CPNE3: variants seen among roughly 807,000 people sequenced by gnomAD.
The protein encoded by CPNE3 is copine 3.
A neutral mutation model predicts 63.9 loss-of-function variants in CPNE3; 68 were observed. The observed-to-expected ratio is 1.06, with a 90% CI of 0.87 to 1.30. The LOEUF (loss-of-function observed/expected upper bound fraction) is 1.30. Among genes scored for constraint, CPNE3 ranks in the 50% most tolerant of loss-of-function variants. The pLI is 0.00. For synonymous variants in CPNE3, 219 were observed against 197.5 expected (o/e 1.11, Z -0.91); for missense variants, 665 against 578.1 (o/e 1.15, Z -1.54).
At chr8:86,518,879 C>T (rs1015506323) in intron 2 of CPNE3, among the ~76,000 whole-genome samples, 4 of 152,006 alleles carry the variant, frequency 2.6e-5, no homozygotes, top group Non-Finnish European at 4.4e-5. Flanking sequence ...CTCAAGCAAT[C>T]CCACCTCAGC....
chr8:86,516,400 TAA>T (rs377606468), intron 2 of CPNE3, among the ~76,000 whole-genome samples: 8 of 152,326 alleles, frequency 5.3e-5, no homozygotes, highest in African/African-American at 1.7e-4. Context: ...CATTTTCATA[TAA>T]GTTTATGGCA....
rs1046383794 is a variant in CPNE3 at position 86,561,206 on chromosome 8, G to A, written c.*2796G>A. 1.3e-5 allele frequency: 2 copies of A among 151,972 alleles called. No individual in the cohort carries two copies. Among genetic ancestry groups the A allele is most frequent in the African/African-American group, 4.8e-5 (2 of 41,362 alleles). 9.4% of individuals were successfully genotyped at this position (151,972 alleles called of 1,614,324 possible). A position where few individuals can be genotyped will look rare whatever the true frequency, so the allele number is the denominator to read the frequency against. On this transcript the variant is annotated 3_prime_UTR_variant, in exon 17 of 17. Coordinates refer to ENST00000517490, the MANE Select transcript of CPNE3 (RefSeq NM_003909.5). ...CTTCCTGGAAAGCTGTCTTCACTAA[G>A]TATCCCCTAGTCTCTATATATGTGG...
Position 86,558,580 on chromosome 8 carries a change from G to T in CPNE3, c.*170G>T. On this transcript the variant is annotated 3_prime_UTR_variant, in exon 17 of 17. Transcript: ENST00000517490. Reference sequence around the variant, plus strand: ...CTTTCTAGGTTATTTTGGGGGGACAGTGCCAAGTCCATCTTTGCCCAGTCA... The same window carrying T: ...CTTTCTAGGTTATTTTGGGGGGACATTGCCAAGTCCATCTTTGCCCAGTCA... 3.5e-6 allele frequency: 2 copies of T among 570,628 alleles called. No individual in the cohort carries two copies. The highest frequency in any genetic ancestry group is 6.2e-6 in the Non-Finnish European group (2 of 320,378). The allele number at this position is 570,628 out of a possible 1,614,324, so 35.3% of individuals were successfully genotyped here.
intron 6 of CPNE3, among the ~76,000 whole-genome samples, chr8:86,536,003 T>G (rs1447686634): frequency 6.6e-6 from 1 of 152,098 alleles, no homozygotes; most frequent in Non-Finnish European, 1.5e-5. Flanking sequence ...TAAAAAACCA[T>G]TTTGATTTAA....
intron 14 of CPNE3, among the ~76,000 whole-genome samples, chr8:86,553,016 A>G (rs1231887320): frequency 8.5e-6 from 1 of 117,476 alleles, no homozygotes; most frequent in Non-Finnish European, 1.7e-5. Flanking sequence ...GGCGCCTGCC[A>G]CCACGCTCGG....
chr8:86,537,226 C>T lies in CPNE3; in HGVS notation c.460-337C>T, dbSNP rs79989325. 4.2e-3 allele frequency among the ~76,000 whole-genome samples: 634 copies of T among 152,216 alleles called. 4 individuals are homozygous for T. The highest frequency in any genetic ancestry group is 0.015 in the African/African-American group (604 of 41,540). ...TTGTGATATCATTTATATAAAACTACTCAGTGATATGTGAATGAAAATGGT... is the reference window on the plus strand; with the variant it reads ...TTGTGATATCATTTATATAAAACTATTCAGTGATATGTGAATGAAAATGGT... On this transcript the variant is annotated intron_variant, in intron 6 of 16. Transcript: ENST00000517490.
chr8:86,555,043 C>A, intron 15 of CPNE3, 59 bp downstream of exon 15: 1 of 1,602,600 alleles, frequency 6.2e-7, no homozygotes, highest in South Asian at 1.1e-5. Context: ...CTCCTGGTGC[C>A]ATTTTTCTAT....
intron 6 of CPNE3, among the ~76,000 whole-genome samples, chr8:86,536,151 T>C (rs1333680339): frequency 6.6e-6 from 1 of 151,734 alleles, no homozygotes; most frequent in Admixed American, 6.6e-5. Context: ...AAAAGTTGTG[T>C]TTTATAATTT....
At chr8:86,523,536 A>T (rs1331781484) in intron 2 of CPNE3, among the ~76,000 whole-genome samples, 1 of 152,234 alleles carries the variant, frequency 6.6e-6, no homozygotes, top group Non-Finnish European at 1.5e-5. Context: ...CATGAGGGGT[A>T]TCAGCAGGGT....
At chr8:86,546,878 T>G (rs1247742897) in intron 10 of CPNE3, among the ~76,000 whole-genome samples, 197 bp downstream of exon 10, 1 of 152,064 alleles carries the variant, frequency 6.6e-6, no homozygotes, top group Non-Finnish European at 1.5e-5. Context: ...ACCTGGCTAA[T>G]TTTTGTATTT....
chr8:86,553,164 C>A (rs1344942371), intron 14 of CPNE3, among the ~76,000 whole-genome samples: 1 of 151,792 alleles, frequency 6.6e-6, no homozygotes, highest in African/African-American at 2.4e-5. Context: ...GTGCCCAGCC[C>A]TAAATGAATT....
At chr8:86,526,777 G>A (rs1385128729) in intron 2 of CPNE3, among the ~76,000 whole-genome samples, 2 of 152,184 alleles carry the variant, frequency 1.3e-5, no homozygotes, top group Non-Finnish European at 2.9e-5. Flanking sequence ...CTCCCAAAGT[G>A]CTGGGAGTAC....
chr8:86,547,676 G>T (rs561392940), intron 10 of CPNE3, 35 bp from the exon 11 acceptor site: 2 of 880,684 alleles, frequency 2.3e-6, no homozygotes, highest in East Asian at 2.5e-5. Flanking sequence ...TGTATAGTAG[G>T]AGAGTTGTAA....
At chr8:86,555,835 A>C (rs1821312945) in intron 15 of CPNE3, among the ~76,000 whole-genome samples, 1 of 152,220 alleles carries the variant, frequency 6.6e-6, no homozygotes, top group Non-Finnish European at 1.5e-5. Flanking sequence ...AGCCTTACTG[A>C]AAGGTTAATC....
intron 1 of CPNE3, 39 bp from the exon 2 acceptor site, chr8:86,515,423 G>A (rs1386378166): frequency 1.3e-5 from 2 of 152,160 alleles, no homozygotes; most frequent in Non-Finnish European, 2.9e-5. Context: ...ACGCTCCCAA[G>A]CACTTATTAA....
At chr8:86,540,108 T>C (rs1044131887) in intron 7 of CPNE3, 137 bp from the exon 8 acceptor site, 4 of 624,108 alleles carry the variant, frequency 6.4e-6, no homozygotes, top group Non-Finnish European at 1.2e-5. Flanking sequence ...TAGGTAGTTT[T>C]TTTGTGGAAA....
At chr8:86,516,643 G>T (rs1354636227) in intron 2 of CPNE3, among the ~76,000 whole-genome samples, 2 of 152,028 alleles carry the variant, frequency 1.3e-5, no homozygotes, top group African/African-American at 4.8e-5. Flanking sequence ...TCCTGCCTTG[G>T]CCTCCCAAAG....
In CPNE3 at chr8:86,558,529, T is replaced by C. The variant is rs1446676009; in HGVS notation, c.*119T>C. The C allele has an allele frequency of 1.3e-6, 1 of 776,018 alleles. No homozygotes were observed. Among genetic ancestry groups the C allele is most frequent in the Non-Finnish European group, 2.3e-6 (1 of 437,676 alleles). The allele number at this position is 776,018 out of a possible 1,614,324, so 48.1% of individuals were successfully genotyped here. A position where few individuals can be genotyped will look rare whatever the true frequency, so the allele number is the denominator to read the frequency against. On this transcript the variant is annotated 3_prime_UTR_variant, in exon 17 of 17. Transcript: ENST00000517490. The stretch of plus-strand genomic sequence containing the variant: ...CATTTATGATGTAAATCTCTTTCTC[T>C]ATGGATTATATCTGTTTAAAGCATT...
At chr8:86,524,571 C>T (rs949012833) in intron 2 of CPNE3, 6 of 151,904 alleles carry the variant, frequency 3.9e-5, no homozygotes, top group African/African-American at 1.5e-4. Flanking sequence ...TAAAATACTA[C>T]ATAGAATTCT....
Sources: gnomAD v4.1 joint callset for allele counts (sites outside exome capture counted in the v4.1 genomes callset) on GRCh38, gnomAD v4.1.1 for gene constraint, MANE v1.5 for transcripts, NCBI Gene and HGNC (gene_info 2026-07-23, HGNC 2026-07-21) for gene names.